Variants in SKAP2 observed in about 807,000 individuals in gnomAD.
SKAP2 encodes src kinase associated phosphoprotein 2.
In SKAP2, 28 loss-of-function variants were observed where a neutral mutation model predicts 54.9. The observed-to-expected ratio is 0.51, with a 90% CI of 0.38 to 0.70. The LOEUF is 0.70. Among genes scored for constraint, SKAP2 ranks in the 30% least tolerant of loss-of-function variants. SKAP2 has a pLI of 0.00. For synonymous variants in SKAP2, 137 were observed against 134.3 expected (o/e 1.02, Z -0.14); for missense variants, 356 against 424.1 (o/e 0.84, Z 1.41).
In SKAP2 at chr7:26,691,598, C is replaced by G. The variant is rs1385953427; in HGVS notation, c.797-1236G>C. Among the ~76,000 whole-genome samples the G allele has an allele frequency of 5.3e-5, 8 of 152,326 alleles. No homozygotes were observed. The East Asian group carries it at 1.4e-3, about 26-fold the overall frequency. ...ACAGGAAGCCTCTGCTCACAGGAAG[C>G]TGACAGCACAGATGGGACAGAAGAC... On this transcript the variant is annotated intron_variant, in intron 9 of 12. Transcript: ENST00000345317.
chr7:26,837,440 C>T (rs878929313), intron 4 of SKAP2, among the ~76,000 whole-genome samples: 1 of 152,108 alleles, frequency 6.6e-6, no homozygotes, highest in South Asian at 2.1e-4. Context: ...AGGAAGCTTA[C>T]AATCATGGTG....
rs1268803918 is a variant in SKAP2 at position 26,667,313 on chromosome 7, T to C, written c.*2353A>G. ...TAGCATATTTTCTAACAAGCCATGT[T>C]GTTTAAATTTATATTAATGATATTA... On this transcript the variant is annotated 3_prime_UTR_variant, in exon 13 of 13. Coordinates refer to ENST00000345317, the MANE Select transcript of SKAP2 (RefSeq NM_003930.5). The C allele has an allele frequency of 2.6e-5, 4 of 152,172 alleles. No homozygotes were observed. 9.4% of individuals were successfully genotyped at this position (152,172 alleles called of 1,614,324 possible).
intron 4 of SKAP2, among the ~76,000 whole-genome samples, chr7:26,820,534 C>T (rs78313966): frequency 0.026 from 4,026 of 152,186 alleles, 174 homozygotes; most frequent in African/African-American, 0.092. Flanking sequence ...ATCAAATTCT[C>T]ATATGCTATT....
chr7:26,813,241 G>A (rs17315334), intron 4 of SKAP2, among the ~76,000 whole-genome samples: 32,298 of 151,920 alleles, frequency 0.21, 3,504 homozygotes, highest in Non-Finnish European at 0.24. Flanking sequence ...GAACCTGCTA[G>A]GCACAAAAGT....
intron 3 of SKAP2, among the ~76,000 whole-genome samples, chr7:26,847,258 C>T (rs933077062): frequency 3.9e-5 from 6 of 151,956 alleles, no homozygotes; most frequent in Non-Finnish European, 8.8e-5. Context: ...CCTTTTTAAC[C>T]TGCATTAAGT....
At chr7:26,678,958 C>A (rs1360613907) in intron 11 of SKAP2, among the ~76,000 whole-genome samples, 2 of 152,138 alleles carry the variant, frequency 1.3e-5, no homozygotes, top group East Asian at 1.9e-4. Flanking sequence ...GGGAGTTCCT[C>A]ATTTTCAAGG....
intron 4 of SKAP2, among the ~76,000 whole-genome samples, chr7:26,749,253 T>A (rs565824487): frequency 1.3e-4 from 20 of 152,282 alleles, no homozygotes; most frequent in Non-Finnish European, 2.6e-4. Context: ...AGATTATACA[T>A]AATAAAGATT....
intron 4 of SKAP2, among the ~76,000 whole-genome samples, chr7:26,792,789 T>A (rs2127982032): frequency 6.6e-6 from 1 of 152,282 alleles, no homozygotes; most frequent in Middle Eastern, 3.4e-3. Flanking sequence ...AATGACATCA[T>A]TTATAAGGAG....
chr7:26,776,918 A>G (rs957585554), intron 4 of SKAP2, among the ~76,000 whole-genome samples: 1 of 152,232 alleles, frequency 6.6e-6, no homozygotes, highest in African/African-American at 2.4e-5. Context: ...CCTCTGGCAC[A>G]TCTACATCCT....
chr7:26,749,442 T>C (rs1782630119), intron 4 of SKAP2, among the ~76,000 whole-genome samples: 1 of 152,048 alleles, frequency 6.6e-6, no homozygotes, highest in Non-Finnish European at 1.5e-5. Flanking sequence ...GTATAAAATT[T>C]AAACAATAAC....
chr7:26,716,473 CT>C (rs1787441642), intron 9 of SKAP2, among the ~76,000 whole-genome samples: 1 of 152,222 alleles, frequency 6.6e-6, no homozygotes, highest in Admixed American at 6.5e-5. Flanking sequence ...CATTTCCTTA[CT>C]TTGAAACTTT....
intron 4 of SKAP2, among the ~76,000 whole-genome samples, chr7:26,808,002 C>G (rs1404707728): frequency 2.0e-5 from 3 of 152,084 alleles, no homozygotes; most frequent in Admixed American, 6.5e-5. Context: ...AATCAAAAAA[C>G]TCATGAATTG....
At chr7:26,738,269 A>G (rs1161845246) in intron 6 of SKAP2, among the ~76,000 whole-genome samples, 1 of 152,238 alleles carries the variant, frequency 6.6e-6, no homozygotes, top group African/African-American at 2.4e-5. Flanking sequence ...TGTGAGCTAA[A>G]CAAGTTAACA....
intron 4 of SKAP2, among the ~76,000 whole-genome samples, chr7:26,810,082 T>C (rs899547203): frequency 6.6e-6 from 1 of 152,146 alleles, no homozygotes; most frequent in Non-Finnish European, 1.5e-5. Context: ...GCACCCGTAA[T>C]CTCAGTGTTT....
At chr7:26,740,718 G>T (rs2127961905) in intron 4 of SKAP2, among the ~76,000 whole-genome samples, 1 of 152,296 alleles carries the variant, frequency 6.6e-6, no homozygotes, top group Admixed American at 6.5e-5. Flanking sequence ...GGGCGCAGTG[G>T]CTCACGCTTG....
intron 4 of SKAP2, among the ~76,000 whole-genome samples, chr7:26,753,020 T>C (rs1036052376): frequency 2.6e-5 from 4 of 152,200 alleles, no homozygotes; most frequent in African/African-American, 9.6e-5. Flanking sequence ...TATAACTGAG[T>C]AAATTACTAG....
At chr7:26,741,304 C>T (rs1323635998) in intron 4 of SKAP2, among the ~76,000 whole-genome samples, 20 of 151,840 alleles carry the variant, frequency 1.3e-4, no homozygotes, top group Non-Finnish European at 2.9e-5. Context: ...GTCGCTTGAG[C>T]CCAGGAGTTT....
intron 1 of SKAP2, among the ~76,000 whole-genome samples, chr7:26,858,311 T>C (rs1360708008): frequency 1.3e-5 from 2 of 152,112 alleles, no homozygotes; most frequent in Non-Finnish European, 2.9e-5. Flanking sequence ...CAGGAAAAAG[T>C]TATCCTGGTG....
At chr7:26,656,147 T>A in the SKAP2 span, among the ~76,000 whole-genome samples, 1 of 152,230 alleles carries the variant, frequency 6.6e-6, no homozygotes, top group Non-Finnish European at 1.5e-5. Context: ...CGCAATTTAC[T>A]GCTGATTTAC....
Sources: gnomAD v4.1 joint callset for allele counts (sites outside exome capture counted in the v4.1 genomes callset) on GRCh38, gnomAD v4.1.1 for gene constraint, MANE v1.5 for transcripts, NCBI Gene and HGNC (gene_info 2026-07-23, HGNC 2026-07-21) for gene names.